STAU2: variants seen among roughly 807,000 people sequenced by gnomAD.
STAU2 encodes staufen double-stranded RNA binding protein 2.
Under a neutral mutation model 65.9 loss-of-function variants are expected in STAU2, and 20 were observed. The observed-to-expected ratio is 0.30, with a 90% confidence interval of 0.21 to 0.44. The LOEUF (loss-of-function observed/expected upper bound fraction) is 0.44, where lower values mean the gene tolerates loss of function less well. Ranked by LOEUF, STAU2 falls within the 20% of genes least tolerant of loss-of-function variation. STAU2 has a pLI of 1.00. For synonymous variants in STAU2, 232 were observed against 233.9 expected, an observed-to-expected ratio of 0.99 and a Z score of 0.07; for missense variants, 558 against 683.9, an observed-to-expected ratio of 0.82 and a Z score of 2.05.
chr8:73,441,066 T>C (rs1818093461), intron 13 of STAU2: 1 of 152,316 alleles, frequency 6.6e-6, no homozygotes, highest in South Asian at 2.1e-4. Context: ...TCTTCTCCAG[T>C]GTCCCCTCCT....
intron 3 of STAU2, among the ~76,000 whole-genome samples, chr8:73,714,187 G>A (rs1241156234): frequency 2.6e-5 from 4 of 152,080 alleles, no homozygotes; most frequent in Non-Finnish European, 5.9e-5. Context: ...ACAGGCGTGA[G>A]CCACCACGCC....
intron 12 of STAU2, among the ~76,000 whole-genome samples, chr8:73,576,913 TATC>T (rs1809603559): frequency 6.6e-6 from 1 of 152,204 alleles, no homozygotes; most frequent in African/African-American, 2.4e-5. Flanking sequence ...TTATCTGTGT[TATC>T]ATTACAGTCT....
chr8:73,570,137 T>A (rs1012044512), intron 12 of STAU2, among the ~76,000 whole-genome samples: 7 of 152,146 alleles, frequency 4.6e-5, no homozygotes, highest in African/African-American at 1.7e-4. Flanking sequence ...CTGATGGAGC[T>A]GAAAACCATG....
At chr8:73,466,243 ACTCATGG>A (rs1819645885) in intron 13 of STAU2, among the ~76,000 whole-genome samples, 1 of 152,194 alleles carries the variant, frequency 6.6e-6, no homozygotes, top group Non-Finnish European at 1.5e-5. Flanking sequence ...TGGGTTTTAG[ACTCATGG>A]AGTTACCCAT....
intron 6 of STAU2, chr8:73,652,776 T>C (rs896704516): frequency 2.0e-5 from 3 of 151,724 alleles, no homozygotes; most frequent in African/African-American, 7.3e-5. Context: ...ACCAAAGTAC[T>C]TCATGTCATT....
At chr8:73,501,359 A>G (rs1585884340) in intron 13 of STAU2, among the ~76,000 whole-genome samples, 1 of 151,966 alleles carries the variant, frequency 6.6e-6, no homozygotes, top group African/African-American at 2.4e-5. Flanking sequence ...AAGAAAACAG[A>G]TATTAATAGC....
intron 13 of STAU2, among the ~76,000 whole-genome samples, chr8:73,433,895 G>A (rs1817502556): frequency 6.6e-6 from 1 of 151,788 alleles, no homozygotes; most frequent in Non-Finnish European, 1.5e-5. Flanking sequence ...GCTGAGGCAC[G>A]AGTCCACACG....
chr8:73,703,065 A>G (rs1027430546), intron 4 of STAU2, among the ~76,000 whole-genome samples: 6 of 152,234 alleles, frequency 3.9e-5, no homozygotes. Flanking sequence ...AATAAAATAG[A>G]GAAAGAGAAA....
At chr8:73,569,000 C>T (rs909219263) in intron 12 of STAU2, among the ~76,000 whole-genome samples, 1 of 151,992 alleles carries the variant, frequency 6.6e-6, no homozygotes, top group Non-Finnish European at 1.5e-5. Context: ...GCACACGGAG[C>T]AGGGTGGGGC....
intron 6 of STAU2, among the ~76,000 whole-genome samples, chr8:73,645,064 T>C (rs1330906994): frequency 6.6e-6 from 1 of 152,172 alleles, no homozygotes; most frequent in Non-Finnish European, 1.5e-5. Flanking sequence ...GAGGAGAGAA[T>C]GTCTCCCAAC....
At chr8:73,613,702 T>G (rs750235496) in intron 9 of STAU2, 42 bp downstream of exon 9, 3 of 1,473,198 alleles carry the variant, frequency 2.0e-6, no homozygotes, top group Non-Finnish European at 2.8e-6. Context: ...ACTATAATAT[T>G]TATTTAGTAA....
In STAU2 at chr8:73,421,164, C is replaced by T; in HGVS notation, c.*208G>A. ...CTAGGCAAATGAGTTATGATCTGAT[C>T]TCGAGTTCCAAGGGAAATGCTCAAA... is the stretch of plus-strand genomic sequence containing the variant. On this transcript the variant is annotated 3_prime_UTR_variant, in exon 15 of 15. Coordinates refer to ENST00000524300, the MANE Select transcript of STAU2 (RefSeq NM_001164380.2). 1 of 518,270 alleles carries T rather than the reference C, an allele frequency of 1.9e-6. No homozygotes were observed. Among genetic ancestry groups the T allele is most frequent in the Non-Finnish European group, 3.4e-6 (1 of 295,418 alleles). 32.1% of individuals were successfully genotyped at this position (518,270 alleles called of 1,614,324 possible).
chr8:73,724,031 G>C (rs1256036559), intron 3 of STAU2, among the ~76,000 whole-genome samples: 1 of 152,122 alleles, frequency 6.6e-6, no homozygotes, highest in Non-Finnish European at 1.5e-5. Context: ...GTTCGCTCCA[G>C]AGCAGCAACA....
intron 12 of STAU2, among the ~76,000 whole-genome samples, chr8:73,559,398 G>T (rs1049327266): frequency 6.6e-6 from 1 of 152,222 alleles, no homozygotes; most frequent in Admixed American, 6.5e-5. Flanking sequence ...CTGAGGATAA[G>T]CAGGGCTGGC....
At chr8:73,487,801 C>G (rs1282171234) in intron 13 of STAU2, among the ~76,000 whole-genome samples, 1 of 151,782 alleles carries the variant, frequency 6.6e-6, no homozygotes, top group East Asian at 1.9e-4. Flanking sequence ...ATTTGGGATC[C>G]AAGAAAGGAG....
intron 11 of STAU2, among the ~76,000 whole-genome samples, chr8:73,590,032 G>A (rs1810653028): frequency 6.6e-6 from 1 of 150,736 alleles, no homozygotes. Flanking sequence ...AGAACAATAG[G>A]GAAGGAGGAA....
chr8:73,514,105 T>C (rs1391190240), intron 13 of STAU2, among the ~76,000 whole-genome samples: 2 of 152,238 alleles, frequency 1.3e-5, no homozygotes, highest in African/African-American at 4.8e-5. Flanking sequence ...TCTGTTCTTT[T>C]GGTAGTCTAC....
intron 13 of STAU2, among the ~76,000 whole-genome samples, chr8:73,508,774 A>G (rs977274739): frequency 6.6e-5 from 10 of 152,212 alleles, no homozygotes; most frequent in Non-Finnish European, 1.3e-4. Context: ...TATTTTTCAT[A>G]TAGCATGTTT....
At chr8:73,719,574 A>G (rs1414216885) in intron 3 of STAU2, among the ~76,000 whole-genome samples, 1 of 152,226 alleles carries the variant, frequency 6.6e-6, no homozygotes, top group Non-Finnish European at 1.5e-5. Context: ...TGAGATGATC[A>G]TGTGATTTTT....
Sources: gnomAD v4.1 joint callset for allele counts (sites outside exome capture counted in the v4.1 genomes callset) on GRCh38, gnomAD v4.1.1 for gene constraint, MANE v1.5 for transcripts, NCBI Gene and HGNC (gene_info 2026-07-23, HGNC 2026-07-21) for gene names.